CHN2: variants seen among roughly 807,000 people sequenced by gnomAD.
CHN2 encodes chimerin 2.
Under a neutral mutation model 56.3 loss-of-function variants are expected in CHN2, and 35 were observed. The ratio of observed to expected loss-of-function variants is 0.62; its 90% CI spans 0.47 to 0.82. CHN2 has a LOEUF of 0.82. CHN2 is among the 40% of genes least tolerant of loss of function. CHN2 has a pLI of 0.00. For synonymous variants in CHN2, 210 were observed against 212.8 expected (o/e 0.99, Z 0.12); for missense variants, 491 against 580.5 (o/e 0.85, Z 1.58).
chr7:29,239,658 A>G (rs935481889), intron 1 of CHN2, among the ~76,000 whole-genome samples: 8 of 152,206 alleles, frequency 5.3e-5, no homozygotes, highest in Non-Finnish European at 1.2e-4. Context: ...CCATTGGTTC[A>G]GGGCTTCTTC....
At chr7:29,350,018 C>A (rs1797756421) in intron 1 of CHN2, among the ~76,000 whole-genome samples, 1 of 152,118 alleles carries the variant, frequency 6.6e-6, no homozygotes, top group African/African-American at 2.4e-5. Context: ...TTTTTCACAC[C>A]ACTAATTTTC....
intron 1 of CHN2, among the ~76,000 whole-genome samples, chr7:29,273,355 A>ATATATATATATATGTG (rs1790867885): frequency 5.3e-5 from 4 of 75,006 alleles, no homozygotes; most frequent in East Asian, 5.4e-4. Flanking sequence ...ATATATATAT[A>ATATATATATATATGTG]TATATATATA....
intron 1 of CHN2, among the ~76,000 whole-genome samples, chr7:29,232,879 T>C (rs968403357): frequency 6.6e-6 from 1 of 152,214 alleles, no homozygotes; most frequent in Admixed American, 6.5e-5. Context: ...ACAGTGACTA[T>C]CCATTGATTA....
intron 7 of CHN2, among the ~76,000 whole-genome samples, chr7:29,491,588 T>G (rs942213695): frequency 1.3e-5 from 2 of 152,116 alleles, no homozygotes; most frequent in African/African-American, 2.4e-5. Context: ...TTCAAACTCT[T>G]TTTAGAGATG....
intron 6 of CHN2, among the ~76,000 whole-genome samples, chr7:29,456,392 C>G (rs1418307418): frequency 6.6e-6 from 1 of 151,472 alleles, no homozygotes; most frequent in Non-Finnish European, 1.5e-5. Context: ...CTTCATGTGG[C>G]CTGGCCCAGC....
intron 3 of CHN2, among the ~76,000 whole-genome samples, chr7:29,378,869 G>A: frequency 6.6e-6 from 1 of 152,346 alleles, no homozygotes; most frequent in South Asian, 2.1e-4. Flanking sequence ...GGAGGCTGAG[G>A]CAGGAGAATC....
At chr7:29,444,880 T>C (rs184213159) in intron 6 of CHN2, among the ~76,000 whole-genome samples, 15 of 152,344 alleles carry the variant, frequency 9.8e-5, no homozygotes, top group Admixed American at 9.8e-4. Context: ...TTTTGGGGGT[T>C]GTTAGTTTCT....
intron 2 of CHN2, among the ~76,000 whole-genome samples, chr7:29,176,396 G>A (rs1002924510): frequency 2.0e-5 from 3 of 152,054 alleles, no homozygotes; most frequent in Non-Finnish European, 4.4e-5. Flanking sequence ...ATAATAACTA[G>A]ATTAATAGTG....
chr7:29,488,760 C>A (rs1026620534), intron 7 of CHN2, among the ~76,000 whole-genome samples: 1 of 151,922 alleles, frequency 6.6e-6, no homozygotes, highest in African/African-American at 2.4e-5. Flanking sequence ...GCTGGGAGTG[C>A]TACTGGCATT....
intron 6 of CHN2, among the ~76,000 whole-genome samples, chr7:29,471,632 T>A (rs991836300): frequency 1.3e-5 from 2 of 152,208 alleles, no homozygotes; most frequent in African/African-American, 4.8e-5. Context: ...CACTTCTGTG[T>A]GTCTCTCACA....
rs869037854 is a variant in CHN2 at position 29,195,629 on chromosome 7, A to AGAGAGG, written c.49+640_49+641insAGAGGG. Among the ~76,000 whole-genome samples, 124 of 117,580 alleles carry AGAGAGG rather than the reference A, an allele frequency of 1.1e-3. 1 individual carries two copies. The highest frequency in any genetic ancestry group is 4.2e-3 in the African/African-American group (118 of 27,892). The allele number at this position is 117,580 out of a possible 152,430, so 77.1% of individuals were successfully genotyped here. On this transcript the variant is annotated intron_variant, in intron 1 of 12. Coordinates refer to ENST00000222792, the MANE Select transcript of CHN2 (RefSeq NM_004067.4). ...GAGAGAGAGAGAGAGAGAGAGAGAG[A>AGAGAGG]GTGTGTGTGTGTGTGTGTGTGAGAG...
chr7:29,400,394 T>G, intron 5 of CHN2, 149 bp from the exon 6 acceptor site: 2 of 721,614 alleles, frequency 2.8e-6, no homozygotes, highest in Non-Finnish European at 4.7e-6. Context: ...AGGGTCTCTG[T>G]GAGCGTTAGG....
chr7:29,333,684 C>A (rs1331177596), intron 1 of CHN2, among the ~76,000 whole-genome samples: 1 of 152,194 alleles, frequency 6.6e-6, no homozygotes, highest in Non-Finnish European at 1.5e-5. Flanking sequence ...TCTATTCCTA[C>A]CACTAGCGCT....
At chr7:29,384,919 A>T (rs1800802240) in intron 3 of CHN2, among the ~76,000 whole-genome samples, 1 of 152,218 alleles carries the variant, frequency 6.6e-6, no homozygotes, top group Non-Finnish European at 1.5e-5. Context: ...TGAGGTGTGG[A>T]GTCCCATAGC....
At chr7:29,507,988 C>T (rs1790795769) in intron 11 of CHN2, among the ~76,000 whole-genome samples, 1 of 152,108 alleles carries the variant, frequency 6.6e-6, no homozygotes, top group African/African-American at 2.4e-5. Context: ...CAGTTAAAGT[C>T]ACAAGCAAGT....
At chr7:29,280,203 G>A (rs1045213034) in intron 1 of CHN2, among the ~76,000 whole-genome samples, 2 of 151,944 alleles carry the variant, frequency 1.3e-5, no homozygotes, top group African/African-American at 4.8e-5. Flanking sequence ...GGCCAACATG[G>A]CGAAACCCCG....
At chr7:29,237,895 A>G (rs1422036751) in intron 1 of CHN2, among the ~76,000 whole-genome samples, 1 of 152,164 alleles carries the variant, frequency 6.6e-6, no homozygotes, top group African/African-American at 2.4e-5. Context: ...CAGGAAGTTT[A>G]AAAGGAGCAG....
chr7:29,480,774 T>C (rs978428589), intron 7 of CHN2, among the ~76,000 whole-genome samples: 1 of 152,258 alleles, frequency 6.6e-6, no homozygotes, highest in Non-Finnish European at 1.5e-5. Flanking sequence ...TTTTGTGTTT[T>C]GTCTTTTGTT....
At chr7:29,354,920 C>G (rs973153508) in intron 2 of CHN2, among the ~76,000 whole-genome samples, 2 of 145,764 alleles carry the variant, frequency 1.4e-5, no homozygotes, top group Admixed American at 6.9e-5. Context: ...GACTCTCTGC[C>G]TTTCAGTTTG....
Sources: gnomAD v4.1 joint callset for allele counts (sites outside exome capture counted in the v4.1 genomes callset) on GRCh38, gnomAD v4.1.1 for gene constraint, MANE v1.5 for transcripts, NCBI Gene and HGNC (gene_info 2026-07-23, HGNC 2026-07-21) for gene names.